FMN2: variants seen among roughly 807,000 people sequenced by gnomAD.
The protein encoded by FMN2 is formin-2.
FMN2 carries 51 observed loss-of-function variants against 142.3 expected under a neutral mutation model. That is an observed-to-expected ratio of 0.36 (90% CI 0.29 to 0.45). The LOEUF is 0.45. Among genes scored for constraint, FMN2 ranks in the 20% least tolerant of loss-of-function variants. The probability of loss-of-function intolerance (pLI) is 1.00; values close to 1 mark genes in which losing one functional copy is unlikely to be tolerated. For missense variants in FMN2, 1,936 were observed against 2,122.8 expected (o/e 0.91, Z 1.73); for synonymous variants, 882 against 869.8 (o/e 1.01, Z -0.25).
intron 15 of FMN2, among the ~76,000 whole-genome samples, chr1:240,415,017 G>A (rs570692846): frequency 6.6e-6 from 1 of 152,114 alleles, no homozygotes; most frequent in Non-Finnish European, 1.5e-5. Context: ...AACACCCTTA[G>A]CATTGATGCA....
At chr1:240,376,298 G>A (rs538396424) in intron 14 of FMN2, among the ~76,000 whole-genome samples, 17 of 152,012 alleles carry the variant, frequency 1.1e-4, no homozygotes, top group African/African-American at 3.6e-4. Flanking sequence ...CTTTTAATTG[G>A]GGACATTTAG....
chr1:240,300,693 C>T (rs1186779893), intron 8 of FMN2, among the ~76,000 whole-genome samples: 1 of 152,156 alleles, frequency 6.6e-6, no homozygotes, highest in Non-Finnish European at 1.5e-5. Flanking sequence ...TTCTAGAAAG[C>T]TAACTAACTG....
chr1:240,333,880 T>C lies in FMN2; in HGVS notation c.4585-7T>C, dbSNP rs751596476. 8.2e-6 allele frequency: 13 copies of C among 1,586,430 alleles called. No individual in the cohort carries two copies. Among genetic ancestry groups the C allele is most frequent in the East Asian group, 2.3e-5 (1 of 44,384 alleles). The stretch of plus-strand genomic sequence containing the variant: ...ATATTGTCACTGACTTTGGTCTTTC[T>C]GCCTAGGACAATAGCAGAAGCCTTT... On this transcript the variant is annotated splice_region_variant and splice_polypyrimidine_tract_variant and intron_variant, in intron 11 of 17. Transcript: ENST00000319653.
At chr1:240,153,698 G>A (rs1278518781) in intron 2 of FMN2, among the ~76,000 whole-genome samples, 2 of 152,008 alleles carry the variant, frequency 1.3e-5, no homozygotes, top group African/African-American at 4.8e-5. Flanking sequence ...GGGACTAAAG[G>A]TTCTCACAGG....
intron 2 of FMN2, among the ~76,000 whole-genome samples, chr1:240,131,982 A>G (rs1441804478): frequency 1.3e-5 from 2 of 152,236 alleles, no homozygotes; most frequent in East Asian, 3.9e-4. Flanking sequence ...TGATCAGAAG[A>G]GTGTCTGAAC....
chr1:240,123,704 TGTACC>T (rs1487930676), intron 2 of FMN2, among the ~76,000 whole-genome samples: 1 of 152,188 alleles, frequency 6.6e-6, no homozygotes, highest in African/African-American at 2.4e-5. Flanking sequence ...CATTTTTAAA[TGTACC>T]GTTTAGTGGC....
At chr1:240,122,778 C>T (rs535038535) in intron 1 of FMN2, among the ~76,000 whole-genome samples, 20 of 152,036 alleles carry the variant, frequency 1.3e-4, no homozygotes, top group African/African-American at 1.7e-4. Flanking sequence ...CTGAGCTGGG[C>T]GTGGTGGCTC....
At position 240,436,695 on chromosome 1, in the gene FMN2, A is replaced by G. The variant is rs1016146275; in HGVS notation, c.4911-1366A>G. Among the ~76,000 whole-genome samples the G allele has an allele frequency of 1.5e-4, 22 of 151,426 alleles. No individual in the cohort carries two copies. In the South Asian group the frequency reaches 4.4e-3, roughly 30 times the overall value. ...CCGTCTCAAAAAAAAAAAAAACTCA[A>G]TATTTTAATGCTCAAACTGTTTTTC... On this transcript the variant is annotated intron_variant, in intron 15 of 17. Coordinates refer to ENST00000319653, the MANE Select transcript of FMN2 (RefSeq NM_020066.5).
intron 2 of FMN2, chr1:240,145,110 T>C (rs17669345): frequency 0.2 from 298,156 of 1,477,260 alleles, 31,866 homozygotes; most frequent in Middle Eastern, 0.29. Flanking sequence ...ACCAAAGTCA[T>C]GGAAGTTGTA....
At chr1:240,114,479 C>T (rs1278250203) in intron 1 of FMN2, among the ~76,000 whole-genome samples, 2 of 152,122 alleles carry the variant, frequency 1.3e-5, no homozygotes, top group Non-Finnish European at 2.9e-5. Context: ...CTGGCTTTCT[C>T]AGTTGTCCTG....
At chr1:240,132,807 A>G (rs6690640) in intron 2 of FMN2, among the ~76,000 whole-genome samples, 97,755 of 151,892 alleles carry the variant, frequency 0.64, 32,380 homozygotes, top group African/African-American at 0.8. Context: ...GGAGGATTGG[A>G]AAAATCACCT....
At chr1:240,135,499 G>T (rs1662899237) in intron 2 of FMN2, among the ~76,000 whole-genome samples, 1 of 151,956 alleles carries the variant, frequency 6.6e-6, no homozygotes, top group South Asian at 2.1e-4. Flanking sequence ...TATATGGTTT[G>T]AAAAAAATTG....
chr1:240,219,650 A>ATTTTTTTTTTTTTTTTTT (rs1558374533), intron 6 of FMN2, among the ~76,000 whole-genome samples: 2 of 151,978 alleles, frequency 1.3e-5, no homozygotes, highest in African/African-American at 4.8e-5. Context: ...AGGTTTTAAA[A>ATTTTTTTTTTTTTTTTTT]TTTTTTGTAT....
At chr1:240,277,984 T>A (rs1396236036) in intron 7 of FMN2, among the ~76,000 whole-genome samples, 1 of 152,198 alleles carries the variant, frequency 6.6e-6, no homozygotes, top group Non-Finnish European at 1.5e-5. Context: ...TTTACTGTTT[T>A]TTGAAATATT....
intron 4 of FMN2, among the ~76,000 whole-genome samples, chr1:240,195,433 T>C (rs952657985): frequency 2.0e-5 from 3 of 152,244 alleles, no homozygotes; most frequent in African/African-American, 7.2e-5. Context: ...GGCTGTGATG[T>C]GCCTTGTGGC....
intron 15 of FMN2, among the ~76,000 whole-genome samples, chr1:240,405,141 A>T (rs1021688108): frequency 1.3e-5 from 2 of 152,216 alleles, no homozygotes; most frequent in Middle Eastern, 3.2e-3. Flanking sequence ...ACCTAAAGGA[A>T]GAGTAATGAA....
At chr1:240,162,145 CA>C (rs914638536) in intron 2 of FMN2, among the ~76,000 whole-genome samples, 31 of 136,214 alleles carry the variant, frequency 2.3e-4, no homozygotes, top group Admixed American at 1.9e-3. Flanking sequence ...AAAAAAAAAA[CA>C]AAAAATTGTC....
At chr1:240,245,272 C>G (rs1456658) in intron 6 of FMN2, 108,962 of 314,964 alleles carry the variant, frequency 0.35, 19,228 homozygotes, top group Middle Eastern at 0.43. Flanking sequence ...TAAAAGGGGA[C>G]TGACAGGATG....
chr1:240,437,485 G>C (rs932675543), intron 15 of FMN2, among the ~76,000 whole-genome samples: 3 of 151,702 alleles, frequency 2.0e-5, no homozygotes, highest in South Asian at 2.1e-4. Flanking sequence ...TGTAATTTTA[G>C]TAGAGACAGG....
Sources: allele counts gnomAD v4.1 joint callset (sites outside exome capture counted in the v4.1 genomes callset), GRCh38; gene constraint gnomAD v4.1.1; transcripts MANE v1.5; gene names NCBI Gene and HGNC (gene_info 2026-07-23, HGNC 2026-07-21).